The following WDPCP variants were observed in gnomAD, a reference collection of about 807,000 sequenced individuals.
The protein encoded by WDPCP is WD repeat-containing and planar cell polarity effector protein fritz homolog.
A neutral mutation model predicts 93.1 loss-of-function variants in WDPCP; 71 were observed. That is an observed-to-expected ratio of 0.76 (90% confidence interval 0.63 to 0.93). WDPCP has a LOEUF of 0.93. Among genes scored for constraint, WDPCP ranks in the 40% least tolerant of loss-of-function variants. WDPCP has a pLI of 0.00. For missense variants in WDPCP, 844 were observed against 887.4 expected, an observed-to-expected ratio of 0.95 and a Z score of 0.62; for synonymous variants, 315 against 315.0, an observed-to-expected ratio of 1.00 and a Z score of 0.00.
chr2:63,488,184 T>C (rs1255000964), intron 2 of WDPCP, among the ~76,000 whole-genome samples: 1 of 152,054 alleles, frequency 6.6e-6, no homozygotes, highest in East Asian at 1.9e-4. Context: ...TATCTATGAA[T>C]AATAAAATAT....
intron 2 of WDPCP, among the ~76,000 whole-genome samples, chr2:63,799,744 A>G (rs1054625997): frequency 2.6e-5 from 4 of 152,206 alleles, no homozygotes; most frequent in Non-Finnish European, 5.9e-5. Flanking sequence ...ATAGGCTGAA[A>G]GGCCAGATTT....
intron 6 of WDPCP, among the ~76,000 whole-genome samples, chr2:63,473,056 C>A (rs1201810245): frequency 6.6e-6 from 1 of 152,178 alleles, no homozygotes; most frequent in East Asian, 1.9e-4. Flanking sequence ...GTATGGTGAT[C>A]TCTGGCTCTC....
At chr2:63,704,500 A>T (rs1250754353) in intron 2 of WDPCP, among the ~76,000 whole-genome samples, 1 of 152,232 alleles carries the variant, frequency 6.6e-6, no homozygotes, top group Non-Finnish European at 1.5e-5. Flanking sequence ...GAGTGTTTTT[A>T]GCATGAAGGG....
chr2:63,339,531 G>A (rs1688688883), intron 12 of WDPCP, among the ~76,000 whole-genome samples: 1 of 152,090 alleles, frequency 6.6e-6, no homozygotes, highest in African/African-American at 2.4e-5. Flanking sequence ...ATTTTTGTAT[G>A]TTAATTTTAT....
At chr2:63,218,473 G>C (rs911392221) in intron 14 of WDPCP, among the ~76,000 whole-genome samples, 1 of 152,158 alleles carries the variant, frequency 6.6e-6, no homozygotes, top group Non-Finnish European at 1.5e-5. Flanking sequence ...TAAATTGGAT[G>C]TTTCTCATAA....
intron 17 of WDPCP, among the ~76,000 whole-genome samples, chr2:63,145,834 C>G (rs1671457812): frequency 6.6e-6 from 1 of 152,172 alleles, no homozygotes; most frequent in South Asian, 2.1e-4. Flanking sequence ...TCTTCCTGTT[C>G]ATGAGCATGG....
At position 63,459,517 on chromosome 2, in the gene WDPCP, C is replaced by CA. The variant is rs1698863902; in HGVS notation, c.385-19647dup. 2.6e-5 allele frequency among the ~76,000 whole-genome samples: 4 copies of CA among 152,138 alleles called. No individual in the cohort carries two copies. The South Asian group carries it at 8.3e-4, about 32-fold the overall frequency. On this transcript the variant is annotated intron_variant, in intron 6 of 17. Coordinates refer to ENST00000272321, the MANE Select transcript of WDPCP (RefSeq NM_015910.7). ...GTTAGAATGGCTATTATTTAAAAGA[C>CA]AAAAAATAACATGCTGGCAAGAAAG...
At chr2:63,515,438 T>C (rs1313907711) in intron 1 of WDPCP, among the ~76,000 whole-genome samples, 2 of 152,184 alleles carry the variant, frequency 1.3e-5, no homozygotes, top group Non-Finnish European at 2.9e-5. Flanking sequence ...AGATGCTCAA[T>C]AAAAGGTTGA....
At chr2:63,800,748 T>A (rs1670682834) in intron 2 of WDPCP, among the ~76,000 whole-genome samples, 1 of 152,154 alleles carries the variant, frequency 6.6e-6, no homozygotes, top group South Asian at 2.1e-4. Flanking sequence ...ACCCTAAAAT[T>A]CAGCAATTTA....
chr2:63,659,176 A>G (rs1710200040), intron 2 of WDPCP, among the ~76,000 whole-genome samples: 1 of 152,254 alleles, frequency 6.6e-6, no homozygotes, highest in African/African-American at 2.4e-5. Context: ...TAAAAGAGTT[A>G]AGTGAGCTCT....
intron 2 of WDPCP, among the ~76,000 whole-genome samples, chr2:63,667,885 A>G (rs1710301932): frequency 6.6e-6 from 1 of 151,980 alleles, no homozygotes; most frequent in African/African-American, 2.4e-5. Flanking sequence ...CCCTTCTCAT[A>G]TGTTTCTTAG....
At chr2:63,455,235 C>T (rs1008357737) in intron 6 of WDPCP, among the ~76,000 whole-genome samples, 2 of 151,858 alleles carry the variant, frequency 1.3e-5, no homozygotes, top group Admixed American at 6.6e-5. Context: ...AAAGACTATA[C>T]AAAGCAACCT....
intron 9 of WDPCP, among the ~76,000 whole-genome samples, chr2:63,416,463 G>C (rs1367782018): frequency 1.7e-5 from 1 of 60,104 alleles, no homozygotes; most frequent in Non-Finnish European, 4.1e-5. Context: ...ACCTCCCAAA[G>C]TGCTGGGATT....
intron 2 of WDPCP, among the ~76,000 whole-genome samples, chr2:63,772,472 C>A (rs1670243283): frequency 6.6e-6 from 1 of 151,986 alleles, no homozygotes; most frequent in South Asian, 2.1e-4. Flanking sequence ...GTACCAAAAC[C>A]TCACAAGGCC....
intron 2 of WDPCP, among the ~76,000 whole-genome samples, chr2:63,722,324 G>A (rs919059389): frequency 4.0e-5 from 6 of 150,234 alleles, no homozygotes; most frequent in African/African-American, 7.4e-5. Flanking sequence ...AGGAAGTGAG[G>A]AGCGTCTCTG....
chr2:63,484,317 T>A (rs1445621196), intron 6 of WDPCP, among the ~76,000 whole-genome samples: 1 of 151,926 alleles, frequency 6.6e-6, no homozygotes, highest in Non-Finnish European at 1.5e-5. Flanking sequence ...CCAGCAAACA[T>A]CTACTACAAC....
intron 17 of WDPCP, among the ~76,000 whole-genome samples, chr2:63,142,211 T>C (rs1019731901): frequency 3.3e-5 from 5 of 152,218 alleles, no homozygotes; most frequent in Non-Finnish European, 7.3e-5. Flanking sequence ...CTGTAGTTCC[T>C]TGAGGTATGA....
chr2:63,341,107 A>G (rs757977322), intron 12 of WDPCP, among the ~76,000 whole-genome samples: 5 of 152,004 alleles, frequency 3.3e-5, no homozygotes, highest in South Asian at 2.1e-4. Flanking sequence ...GTTTTGTATG[A>G]TTTGTCTTTT....
chr2:63,725,527 G>A (rs1237159282), intron 2 of WDPCP, among the ~76,000 whole-genome samples: 5 of 152,076 alleles, frequency 3.3e-5, no homozygotes, highest in Admixed American at 6.5e-5. Flanking sequence ...GTATCTTTAC[G>A]GTAGAATGAT....
Sources: gnomAD v4.1 joint callset for allele counts (sites outside exome capture counted in the v4.1 genomes callset) on GRCh38, gnomAD v4.1.1 for gene constraint, MANE v1.5 for transcripts, NCBI Gene and HGNC (gene_info 2026-07-23, HGNC 2026-07-21) for gene names.